AIDA: variants seen among roughly 807,000 people sequenced by gnomAD.
AIDA encodes the protein axin interactor, dorsalization associated.
In AIDA, 18 loss-of-function variants were observed where a neutral mutation model predicts 42.7. That is an observed-to-expected ratio of 0.42 (90% CI 0.29 to 0.63). The LOEUF (loss-of-function observed/expected upper bound fraction) is 0.63. Ranked by LOEUF, AIDA falls within the 20% of genes least tolerant of loss-of-function variation. AIDA has a pLI of 0.19. For missense variants in AIDA, 250 were observed against 354.1 expected (o/e 0.71, Z 2.36); for synonymous variants, 104 against 122.9 (o/e 0.85, Z 1.02).
chr1:222,668,758 A>G lies in AIDA; in HGVS notation c.*1135T>C, dbSNP rs1357199394. ...TGGGCTTTACATCTAACCCACAGAA[A>G]GCCCACCGCAAATGTTCTGTGTATC... On this transcript the variant is annotated 3_prime_UTR_variant, in exon 10 of 10. Transcript: ENST00000340020. 2.9e-5 allele frequency: 4 copies of G among 138,200 alleles called. No individual in the cohort carries two copies. The highest frequency in any genetic ancestry group is 6.2e-5 in the Non-Finnish European group (4 of 64,806). 8.6% of individuals were successfully genotyped at this position (138,200 alleles called of 1,614,324 possible). A position where few individuals can be genotyped will look rare whatever the true frequency, so the allele number is the denominator to read the frequency against.
intron 6 of AIDA, among the ~76,000 whole-genome samples, chr1:222,679,164 T>A (rs1035250899): frequency 5.3e-5 from 8 of 152,188 alleles, no homozygotes; most frequent in Non-Finnish European, 1.0e-4. Flanking sequence ...AATACTAGGA[T>A]AATACCACAC....
intron 2 of AIDA, among the ~76,000 whole-genome samples, chr1:222,701,448 A>G (rs1228302314): frequency 3.3e-5 from 5 of 152,190 alleles, no homozygotes; most frequent in Non-Finnish European, 5.9e-5. Context: ...TTCCATATTC[A>G]TAACACATTC....
intron 8 of AIDA, among the ~76,000 whole-genome samples, chr1:222,672,601 A>G (rs1448844306): frequency 6.6e-6 from 1 of 152,200 alleles, no homozygotes; most frequent in African/African-American, 2.4e-5. Flanking sequence ...CTGTTCTAAC[A>G]GAAGCACTGA....
chr1:222,708,979 T>G (rs1396814319), intron 1 of AIDA, among the ~76,000 whole-genome samples: 1 of 152,094 alleles, frequency 6.6e-6, no homozygotes, highest in Non-Finnish European at 1.5e-5. Flanking sequence ...AACAATGACG[T>G]GTGGATAGCC....
At chr1:222,703,257 C>A in intron 1 of AIDA, 40 bp from the exon 2 acceptor site, 2 of 1,413,234 alleles carry the variant, frequency 1.4e-6, no homozygotes, top group Non-Finnish European at 2.0e-6. Flanking sequence ...GGAAGAAAAG[C>A]AAACTACTGC....
In AIDA at chr1:222,687,009, C is replaced by G; in HGVS notation, c.381G>C (p.Glu127Asp). 1 of 1,613,604 alleles carries G rather than the reference C, an allele frequency of 6.2e-7. No individual in the cohort carries two copies. Among genetic ancestry groups the G allele is most frequent in the South Asian group, 1.1e-5 (1 of 90,954 alleles). Residue 127 changes from glutamate (E) to aspartate (D), a missense_variant, in exon 6 of 10, where the codon GAG becomes GAC. Transcript: ENST00000340020. Reference sequence around the variant, plus strand: ...CTTCATCTTCTTCAAATTCCAAATTCTCTTCTTCACCAGGTGCCAAAATTC... The same window carrying G: ...CTTCATCTTCTTCAAATTCCAAATTGTCTTCTTCACCAGGTGCCAAAATTC... ...LRRILAPGEEENLEFEEDEEE... is the reference protein window; with the variant it reads ...LRRILAPGEEDNLEFEEDEEE...
chr1:222,694,224 T>C lies in AIDA; in HGVS notation c.220A>G (p.Ser74Gly), dbSNP rs762507637. The C allele has an allele frequency of 1.2e-6, 2 of 1,611,948 alleles. No individual in the cohort carries two copies. The highest frequency in any genetic ancestry group is 2.2e-5 in the South Asian group (2 of 90,340). Residue 74 changes from serine to glycine, a missense_variant, in exon 3 of 10, where the codon AGT (serine) becomes GGT (glycine). Physicochemically the swap from Ser to Gly is moderately conservative, Grantham distance 56. Around this residue, in one of 4 missense-constraint regions of AIDA, gnomAD observed 199 missense variants for 232.6 expected, o/e 0.86. Transcript: ENST00000340020. Reference sequence around the variant, plus strand: ...AAACTCCTTACCTGTAAAGCTGCACTTCGCAATTCCAAGCATGTTGCAATT... The same window carrying C: ...AAACTCCTTACCTGTAAAGCTGCACCTCGCAATTCCAAGCATGTTGCAATT... ...GKIATCLELR[S>G]AALQSTQSQE...
intron 6 of AIDA, among the ~76,000 whole-genome samples, chr1:222,681,993 C>T (rs3002129): frequency 6.6e-6 from 1 of 152,034 alleles, no homozygotes; most frequent in Non-Finnish European, 1.5e-5. Context: ...TTGACTAGTT[C>T]TGTGTGTGGC....
intron 6 of AIDA, among the ~76,000 whole-genome samples, chr1:222,683,502 A>G (rs1260357277): frequency 6.6e-6 from 1 of 152,208 alleles, no homozygotes. Context: ...GAGTTTCAAA[A>G]ATAATGTTTT....
intron 6 of AIDA, among the ~76,000 whole-genome samples, chr1:222,686,099 T>C (rs1377658110): frequency 6.6e-6 from 1 of 152,200 alleles, no homozygotes; most frequent in Non-Finnish European, 1.5e-5. Context: ...AGGCGGAGTT[T>C]GCAGTGAGCC....
intron 1 of AIDA, among the ~76,000 whole-genome samples, 153 bp from the exon 2 acceptor site, chr1:222,703,370 A>G (rs566277063): frequency 6.6e-6 from 1 of 152,308 alleles, no homozygotes; most frequent in African/African-American, 2.4e-5. Context: ...TCTCAAAAAA[A>G]AAAAAACTCT....
At chr1:222,712,051 G>A in intron 1 of AIDA, 157 bp downstream of exon 1, 2 of 1,155,660 alleles carry the variant, frequency 1.7e-6, no homozygotes, top group South Asian at 1.5e-5. Flanking sequence ...GAGCAGCCTC[G>A]CTGGGGCTGG....
rs142137736 is a variant in AIDA, at chr1:222,700,583, T to C, written c.180+2565A>G. Reference sequence around the variant, plus strand: ...CTATCCTGGCTAACACGTGAAACCCTGTCTCTACTAAAAATACAAAAAATT... The same window carrying C: ...CTATCCTGGCTAACACGTGAAACCCCGTCTCTACTAAAAATACAAAAAATT... On this transcript the variant is annotated intron_variant, in intron 2 of 9. Coordinates refer to ENST00000340020, the MANE Select transcript of AIDA (RefSeq NM_022831.4). 1.5e-3 allele frequency among the ~76,000 whole-genome samples: 228 copies of C among 151,436 alleles called. 6 individuals carry two copies. In the South Asian group the frequency reaches 0.021, roughly 14 times the overall value.
intron 4 of AIDA, among the ~76,000 whole-genome samples, chr1:222,692,794 T>C (rs1655405565): frequency 6.6e-6 from 1 of 152,158 alleles, no homozygotes. Context: ...GGAAGGGAAT[T>C]TTACAGGGTC....
intron 4 of AIDA, among the ~76,000 whole-genome samples, chr1:222,689,575 A>G (rs1437436937): frequency 1.8e-4 from 24 of 133,262 alleles, no homozygotes; most frequent in African/African-American, 6.7e-4. Context: ...ATATGTATAT[A>G]TATATACACA....
At chr1:222,673,204 A>T in intron 8 of AIDA, 109 bp downstream of exon 8, 1 of 1,001,574 alleles carries the variant, frequency 1.0e-6, no homozygotes, top group Non-Finnish European at 1.4e-6. Context: ...ACACTATGTT[A>T]CATTTACTTC....
chr1:222,688,136 C>T (rs1655248487), intron 4 of AIDA, among the ~76,000 whole-genome samples: 1 of 152,152 alleles, frequency 6.6e-6, no homozygotes, highest in Non-Finnish European at 1.5e-5. Context: ...AGGAGAATCA[C>T]CTGAGCCTGG....
chr1:222,671,171 T>G (rs977703766), intron 8 of AIDA, among the ~76,000 whole-genome samples: 5 of 152,042 alleles, frequency 3.3e-5, no homozygotes, highest in African/African-American at 1.2e-4. Flanking sequence ...GAGGCTGCAG[T>G]GAGCCATGAT....
intron 6 of AIDA, among the ~76,000 whole-genome samples, chr1:222,681,123 T>C (rs1303788865): frequency 1.3e-5 from 2 of 152,126 alleles, no homozygotes; most frequent in Non-Finnish European, 2.9e-5. Context: ...AGAAAACTGT[T>C]TCTGCTGTGA....
Sources: allele counts gnomAD v4.1 joint callset (sites outside exome capture counted in the v4.1 genomes callset), GRCh38; gene constraint gnomAD v4.1.1; regional missense constraint gnomAD v4.1.1; transcripts MANE v1.5; gene names NCBI Gene and HGNC (gene_info 2026-07-23, HGNC 2026-07-21).